The following SLC35A1 variants were observed in gnomAD, a reference collection of about 807,000 sequenced individuals.
The protein encoded by SLC35A1 is solute carrier family 35 member A1, also known as CMP-sialic acid transporter.
SLC35A1 carries 21 observed loss-of-function variants against 40.3 expected under a neutral mutation model. The observed-to-expected ratio is 0.52, with a 90% CI of 0.37 to 0.75. The LOEUF is 0.75. Among genes scored for constraint, SLC35A1 ranks in the 30% least tolerant of loss-of-function variants. The pLI is 0.00. For missense variants in SLC35A1, 297 were observed against 382.1 expected, an observed-to-expected ratio of 0.78 and a Z score of 1.86; for synonymous variants, 146 against 147.3, an observed-to-expected ratio of 0.99 and a Z score of 0.06.
intron 2 of SLC35A1, among the ~76,000 whole-genome samples, chr6:87,481,417 CAA>C (rs200106266): frequency 3.5e-4 from 41 of 116,766 alleles, no homozygotes; most frequent in Admixed American, 4.5e-4. Context: ...AACTCTGACT[CAA>C]AAAAAAAAAA....
At chr6:87,478,789 A>C (rs1769158912) in intron 2 of SLC35A1, among the ~76,000 whole-genome samples, 1 of 152,218 alleles carries the variant, frequency 6.6e-6, no homozygotes, top group Admixed American at 6.5e-5. Context: ...TCGAATACAA[A>C]ATTTTCTTTT....
intron 2 of SLC35A1, among the ~76,000 whole-genome samples, chr6:87,481,851 G>A (rs1582169560): frequency 1.3e-5 from 2 of 152,230 alleles, no homozygotes; most frequent in Middle Eastern, 6.8e-3. Context: ...TAGCCAATAT[G>A]GTTACACACA....
chr6:87,499,657 C>T (rs1035525736), intron 2 of SLC35A1, among the ~76,000 whole-genome samples: 8 of 152,144 alleles, frequency 5.3e-5, no homozygotes, highest in African/African-American at 1.2e-4. Flanking sequence ...CAGAATTATA[C>T]AGATATAAAG....
At chr6:87,474,700 T>G (rs1242341116) in intron 1 of SLC35A1, among the ~76,000 whole-genome samples, 1 of 152,238 alleles carries the variant, frequency 6.6e-6, no homozygotes, top group African/African-American at 2.4e-5. Flanking sequence ...AAAATCGTAC[T>G]TAAAAACATT....
chr6:87,502,853 C>A (rs34369446), intron 4 of SLC35A1, among the ~76,000 whole-genome samples: 5,542 of 152,284 alleles, frequency 0.036, 118 homozygotes, highest in Middle Eastern at 0.054. Context: ...CACTCCTCCA[C>A]TACTGGTTAA....
intron 1 of SLC35A1, 108 bp from the exon 2 acceptor site, chr6:87,477,254 T>C (rs1292648959): frequency 1.8e-6 from 2 of 1,082,758 alleles, no homozygotes; most frequent in African/African-American, 1.6e-5. Context: ...TTTTAGAAAA[T>C]ATTTTGTGCT....
chr6:87,498,776 A>G (rs2300907), intron 2 of SLC35A1, among the ~76,000 whole-genome samples: 58,474 of 152,020 alleles, frequency 0.38, 11,319 homozygotes, highest in Admixed American at 0.46. Flanking sequence ...TCTCAAAAAA[A>G]ACAAAACAAA....
At chr6:87,511,161 C>T (rs552820834) in intron 7 of SLC35A1, among the ~76,000 whole-genome samples, 1 of 152,036 alleles carries the variant, frequency 6.6e-6, no homozygotes, top group South Asian at 2.1e-4. Context: ...GTTAGGCATA[C>T]TCATGTTCTA....
Position 87,509,097 on chromosome 6 carries a change from A to G in SLC35A1, c.808A>G (p.Ile270Val). The G allele has an allele frequency of 6.2e-7, 1 of 1,614,158 alleles. No individual in the cohort carries two copies. Among genetic ancestry groups the G allele is most frequent in the Non-Finnish European group, 8.5e-7 (1 of 1,179,980 alleles). The change falls in exon 7 of 8, where the codon ATC becomes GTC. Residue 270 changes from isoleucine (I) to valine (V), a missense_variant. Transcript: ENST00000369552. ...TGTTGTGGTTAAGTACACAGACAAC[A>G]TCATGAAAGGCTTTTCTGCAGCAGC... is the stretch of plus-strand genomic sequence containing the variant. ...TSVVVKYTDN[I>V]MKGFSAAAAI... is the part of the protein sequence containing the mutation.
In SLC35A1 at chr6:87,501,224, A is replaced by C; in HGVS notation, c.421A>C (p.Ser141Arg). 1 of 1,614,100 alleles carries C rather than the reference A, an allele frequency of 6.2e-7. No individual in the cohort carries two copies. Among genetic ancestry groups the C allele is most frequent in the South Asian group, 1.1e-5 (1 of 91,084 alleles). The change falls in exon 4 of 8, where the codon AGC becomes CGC. Residue 141 changes from serine to arginine, a missense_variant. By Grantham distance (110) the Ser-to-Arg change is moderately radical. Coordinates refer to ENST00000369552, the MANE Select transcript of SLC35A1 (RefSeq NM_006416.5). ...CTVLMLNRTL[S>R]KLQWVSVFML... The stretch of plus-strand genomic sequence containing the variant: ...TGTTTTAATGTTAAACCGGACACTC[A>C]GCAAATTACAGTGGGTTTCAGTTTT...
rs193117396 is a variant in SLC35A1, at chr6:87,489,881, C to T, written c.195-10627C>T. On this transcript the variant is annotated intron_variant, in intron 2 of 7. Coordinates refer to ENST00000369552, the MANE Select transcript of SLC35A1 (RefSeq NM_006416.5). ...AGTCTCAGGTATTCTTTCACAGCAA[C>T]GCAAAGCAGACAAAGACAGTATTTA... 2.7e-3 allele frequency among the ~76,000 whole-genome samples: 408 copies of T among 150,230 alleles called. 4 individuals carry two copies. The highest frequency in any genetic ancestry group is 2.3e-3 in the East Asian group (12 of 5,112).
chr6:87,486,737 G>C (rs1460578692), intron 2 of SLC35A1, among the ~76,000 whole-genome samples: 4 of 152,240 alleles, frequency 2.6e-5, no homozygotes, highest in African/African-American at 9.6e-5. Context: ...GCAGAGAGGA[G>C]GCAGAGAACT....
chr6:87,507,665 CATG>C (rs1201644092), intron 5 of SLC35A1, among the ~76,000 whole-genome samples: 2 of 152,036 alleles, frequency 1.3e-5, no homozygotes, highest in Non-Finnish European at 2.9e-5. Flanking sequence ...AAGTCTCTAG[CATG>C]ATATTTATAA....
intron 1 of SLC35A1, among the ~76,000 whole-genome samples, 196 bp from the exon 2 acceptor site, chr6:87,477,166 G>GTGT (rs1769098592): frequency 6.7e-6 from 1 of 149,772 alleles, no homozygotes. Flanking sequence ...AGTCAGCTGT[G>GTGT]GTGTGTGTGT....
chr6:87,494,291 AATT>A (rs1769649234), intron 2 of SLC35A1, among the ~76,000 whole-genome samples: 2 of 152,340 alleles, frequency 1.3e-5, no homozygotes, highest in African/African-American at 4.8e-5. Context: ...TGTGCATATG[AATT>A]ATTATATCAG....
chr6:87,482,539 A>T (rs1769274134), intron 2 of SLC35A1, among the ~76,000 whole-genome samples: 1 of 152,202 alleles, frequency 6.6e-6, no homozygotes. Flanking sequence ...CTTACCAACT[A>T]TTAGGCAATT....
At position 87,501,190 on chromosome 6, in the gene SLC35A1, T is replaced by C; in HGVS notation, c.387T>C (p.Ala129=). ...VTYQLKIPCT[A]LCTVLMLNRT... The stretch of plus-strand genomic sequence containing the variant: ...ACCAGTTGAAGATTCCGTGTACTGC[T>C]TTATGCACTGTTTTAATGTTAAACC... Residue 129 remains alanine, a synonymous_variant, in exon 4 of 8, where the codon GCT becomes GCC. Transcript: ENST00000369552. 1 of 1,614,070 alleles carries C rather than the reference T, an allele frequency of 6.2e-7. No individual in the cohort carries two copies. The highest frequency in any genetic ancestry group is 8.5e-7 in the Non-Finnish European group (1 of 1,179,924).
Position 87,501,167 on chromosome 6 carries a change from C to A in SLC35A1, c.364C>A (p.Gln122Lys), listed in dbSNP as rs761208218. The A allele has an allele frequency of 6.2e-7, 1 of 1,612,662 alleles. No individual in the cohort carries two copies. The highest frequency in any genetic ancestry group is 1.7e-5 in the Admixed American group (1 of 59,968). ...ATTCTCTTTTTTTTAGGTGACCTAC[C>A]AGTTGAAGATTCCGTGTACTGCTTT... is the stretch of plus-strand genomic sequence containing the variant. ...LDAAVYQVTY[Q>K]LKIPCTALCT... is the part of the protein sequence containing the mutation. The change falls in exon 4 of 8, where the codon CAG becomes AAG. Residue 122 changes from glutamine (Q) to lysine (K), a missense_variant. By Grantham distance (53) the Gln-to-Lys change is moderately conservative. Transcript: ENST00000369552.
chr6:87,483,136 G>C (rs1769290772), intron 2 of SLC35A1, among the ~76,000 whole-genome samples: 1 of 151,694 alleles, frequency 6.6e-6, no homozygotes, highest in African/African-American at 2.4e-5. Flanking sequence ...AAAGGAATAG[G>C]GTACACTGTT....
Sources: gnomAD v4.1 joint callset for allele counts (sites outside exome capture counted in the v4.1 genomes callset) on GRCh38, gnomAD v4.1.1 for gene constraint, MANE v1.5 for transcripts, NCBI Gene and HGNC (gene_info 2026-07-23, HGNC 2026-07-21) for gene names.